The following IL1RAP variants were observed in gnomAD, a reference collection of about 807,000 sequenced individuals.
IL1RAP encodes interleukin-1 receptor accessory protein.
IL1RAP carries 35 observed loss-of-function variants against 60.7 expected under a neutral mutation model. That is an observed-to-expected ratio of 0.58 (90% CI 0.44 to 0.76). The LOEUF is 0.76. IL1RAP is among the 30% of genes least tolerant of loss of function. The pLI is 0.00. For missense variants in IL1RAP, 572 were observed against 693.9 expected, an observed-to-expected ratio of 0.82 and a Z score of 1.97; for synonymous variants, 268 against 250.9, an observed-to-expected ratio of 1.07 and a Z score of -0.64.
chr3:190,625,700 A>C (rs1325098444), intron 7 of IL1RAP, among the ~76,000 whole-genome samples: 1 of 152,232 alleles, frequency 6.6e-6, no homozygotes, highest in Non-Finnish European at 1.5e-5. Flanking sequence ...ATGCCAAAAA[A>C]AATCAAGATA....
At chr3:190,582,996 T>C (rs953174301) in intron 3 of IL1RAP, among the ~76,000 whole-genome samples, 3 of 152,146 alleles carry the variant, frequency 2.0e-5, no homozygotes, top group South Asian at 2.1e-4. Context: ...ACATCTTCAT[T>C]CTATTTCACT....
intron 9 of IL1RAP, chr3:190,644,044 TG>T: frequency 1.4e-6 from 1 of 718,788 alleles, no homozygotes; most frequent in Non-Finnish European, 1.7e-6. Context: ...ACACCTTCTA[TG>T]CCAGGTGCTG....
chr3:190,631,296 C>A (rs1732768562), intron 9 of IL1RAP, among the ~76,000 whole-genome samples: 1 of 152,126 alleles, frequency 6.6e-6, no homozygotes, highest in South Asian at 2.1e-4. Flanking sequence ...TCAGAACAAT[C>A]AAAGCAAGGT....
chr3:190,630,254 A>C (rs1732671078), intron 9 of IL1RAP: 1 of 861,388 alleles, frequency 1.2e-6, no homozygotes, highest in Non-Finnish European at 1.4e-6. Context: ...TGGAAATTAT[A>C]AAGCCTTCTT....
chr3:190,648,281 A>G, intron 11 of IL1RAP, 57 bp from the exon 12 acceptor site: 1 of 1,524,292 alleles, frequency 6.6e-7, no homozygotes. Flanking sequence ...CTCAAGCCTC[A>G]ATGCTTTTGG....
intron 1 of IL1RAP, among the ~76,000 whole-genome samples, chr3:190,530,054 A>G (rs1722862953): frequency 6.6e-6 from 1 of 152,138 alleles, no homozygotes; most frequent in African/African-American, 2.4e-5. Flanking sequence ...TCTAGGAAAC[A>G]TCATTCCAGT....
intron 6 of IL1RAP, among the ~76,000 whole-genome samples, chr3:190,622,755 C>G (rs1731885070): frequency 6.6e-6 from 1 of 152,142 alleles, no homozygotes; most frequent in South Asian, 2.1e-4. Context: ...GATGTCCTTA[C>G]CAACCTAGAA....
chr3:190,656,495 C>T (rs543082627), downstream of IL1RAP: 1 of 1,537,300 alleles, frequency 6.5e-7, no homozygotes, highest in Non-Finnish European at 8.7e-7. Flanking sequence ...GAGTCAGAAA[C>T]TCAATGGATA....
chr3:190,519,403 A>G (rs934346591), intron 1 of IL1RAP, among the ~76,000 whole-genome samples: 1 of 152,162 alleles, frequency 6.6e-6, no homozygotes, highest in Non-Finnish European at 1.5e-5. Flanking sequence ...TCAGATATAT[A>G]TTATTATTTG....
At chr3:190,647,333 T>G (rs78582151) in intron 11 of IL1RAP, among the ~76,000 whole-genome samples, 5,648 of 152,192 alleles carry the variant, frequency 0.037, 315 homozygotes, top group African/African-American at 0.12. Context: ...AAGGAATATA[T>G]CAAGACATGA....
chr3:190,578,118 T>G (rs1427360190), intron 3 of IL1RAP, among the ~76,000 whole-genome samples: 1 of 152,124 alleles, frequency 6.6e-6, no homozygotes. Flanking sequence ...TACCCCAAAC[T>G]TCAGCATTAT....
chr3:190,566,138 C>G (rs1321082442), intron 3 of IL1RAP, among the ~76,000 whole-genome samples: 2 of 152,100 alleles, frequency 1.3e-5, no homozygotes, highest in Admixed American at 1.3e-4. Flanking sequence ...AGGGCAGGAA[C>G]TTGTTCAGGA....
intron 3 of IL1RAP, among the ~76,000 whole-genome samples, chr3:190,571,389 AC>A (rs929143646): frequency 1.9e-4 from 29 of 152,022 alleles, no homozygotes; most frequent in Admixed American, 9.8e-4. Flanking sequence ...GGTGATGCAC[AC>A]CTGTAGTCCC....
At chr3:190,537,942 T>G (rs956690395) in intron 1 of IL1RAP, among the ~76,000 whole-genome samples, 7 of 152,178 alleles carry the variant, frequency 4.6e-5, no homozygotes, top group African/African-American at 1.7e-4. Flanking sequence ...CATGTACTTT[T>G]CTGTTTTGAG....
exon 12 of IL1RAP, chr3:190,658,185 G>A (rs1242369206): frequency 6.6e-6 from 1 of 151,828 alleles, no homozygotes; most frequent in Non-Finnish European, 1.5e-5. Flanking sequence ...TATGTATAAT[G>A]TCAATTATGG....
At chr3:190,628,656 C>T (rs1324833417) in intron 8 of IL1RAP, among the ~76,000 whole-genome samples, 1 of 152,162 alleles carries the variant, frequency 6.6e-6, no homozygotes, top group East Asian at 1.9e-4. Context: ...TTTACGTGTT[C>T]ATAACAGCTT....
At chr3:190,603,978 C>T in intron 3 of IL1RAP, 150 bp from the exon 4 acceptor site, 1 of 688,246 alleles carries the variant, frequency 1.5e-6, no homozygotes, top group African/African-American at 1.8e-5. Flanking sequence ...AAGGTGCCTA[C>T]TGTATGCAAT....
chr3:190,615,843 C>T (rs1731223388), intron 5 of IL1RAP, among the ~76,000 whole-genome samples: 1 of 152,098 alleles, frequency 6.6e-6, no homozygotes, highest in Non-Finnish European at 1.5e-5. Flanking sequence ...TTCTTGTTGG[C>T]ATAGAGATAT....
intron 3 of IL1RAP, among the ~76,000 whole-genome samples, chr3:190,590,954 T>C (rs540892026): frequency 6.6e-6 from 1 of 152,354 alleles, no homozygotes; most frequent in Non-Finnish European, 1.5e-5. Flanking sequence ...TAAACTCTTG[T>C]GTTACTCAAG....
Sources: allele counts gnomAD v4.1 joint callset (sites outside exome capture counted in the v4.1 genomes callset), GRCh38; gene constraint gnomAD v4.1.1; transcripts MANE v1.5; gene names NCBI Gene and HGNC (gene_info 2026-07-23, HGNC 2026-07-21).